SLIT1: variants seen among roughly 807,000 people sequenced by gnomAD.
SLIT1 encodes slit guidance ligand 1.
In SLIT1, 66 loss-of-function variants were observed where a neutral mutation model predicts 186.1. The ratio of observed to expected loss-of-function variants is 0.35; its 90% CI spans 0.29 to 0.44. The LOEUF (loss-of-function observed/expected upper bound fraction) is 0.44. Ranked by LOEUF, SLIT1 falls within the 20% of genes least tolerant of loss-of-function variation. The probability of loss-of-function intolerance (pLI) is 1.00; values close to 1 mark genes in which losing one functional copy is unlikely to be tolerated. For synonymous variants in SLIT1, 761 were observed against 833.8 expected (o/e 0.91, Z 1.50); for missense variants, 1,638 against 2,037.4 (o/e 0.80, Z 3.77).
chr10:97,106,995 A>T (rs1362416105), intron 4 of SLIT1, among the ~76,000 whole-genome samples: 3 of 152,378 alleles, frequency 2.0e-5, no homozygotes, highest in South Asian at 4.1e-4. Flanking sequence ...TGGGTAATCC[A>T]TTCAGAGCTG....
At chr10:97,157,525 G>A (rs982056757) in intron 4 of SLIT1, 51 of 394,822 alleles carry the variant, frequency 1.3e-4, no homozygotes, top group Admixed American at 6.3e-4. Flanking sequence ...TGGCATCACC[G>A]TCCACAAGCA....
rs116713666 is a variant in SLIT1 at position 97,001,251 on chromosome 10, C to T, written c.4466G>A (p.Arg1489Gln). 7.1e-5 allele frequency: 114 copies of T among 1,613,188 alleles called. No homozygotes were observed. In the Middle Eastern group the frequency reaches 8.3e-4, roughly 12 times the overall value. Residue 1489 changes from arginine to glutamine, a missense_variant, in exon 37 of 37, where the codon CGG becomes CAG. Coordinates refer to ENST00000266058, the MANE Select transcript of SLIT1 (RefSeq NM_003061.3). ...GCAGCCCTGGCCTGGGCACGAGCCC[C>T]GGCACTCCACCCATGACAGGGGGCG... Reference protein sequence around the residue: ...TTRPLSWVECRGSCPGQGCCQ... With the variant: ...TTRPLSWVECQGSCPGQGCCQ...
At position 97,021,078 on chromosome 10, in the gene SLIT1, C is replaced by A. The variant is rs555909658; in HGVS notation, c.2746+172G>T. ...GATTTTTCTGCCTGGCTCTTTTTGTCCATGATATGTCAGGATTGGAAGGCA... is the reference window on the plus strand; with the variant it reads ...GATTTTTCTGCCTGGCTCTTTTTGTACATGATATGTCAGGATTGGAAGGCA... On this transcript the variant is annotated intron_variant, in intron 26 of 36. Transcript: ENST00000266058. This position sits in a 1 kb window ranked among gnomAD's most constrained non-coding sequence, Gnocchi z 4.5. 6.6e-5 allele frequency among the ~76,000 whole-genome samples: 10 copies of A among 152,344 alleles called. No homozygotes were observed. In the South Asian group the frequency reaches 1.7e-3, roughly 25 times the overall value.
At chr10:97,034,331 G>T in intron 23 of SLIT1, 140 bp downstream of exon 23, 5 of 699,892 alleles carry the variant, frequency 7.1e-6, no homozygotes, top group Non-Finnish European at 1.3e-5. Context: ...AGTCTTTTAG[G>T]CTCTCAGGCC....
intron 27 of SLIT1, 108 bp downstream of exon 27, chr10:97,018,875 G>C: frequency 2.9e-6 from 2 of 681,846 alleles, no homozygotes; most frequent in Non-Finnish European, 5.2e-6. Context: ...ATTAATTACA[G>C]GTTCACTCAA....
At chr10:97,126,497 C>T (rs1479287006) in intron 4 of SLIT1, among the ~76,000 whole-genome samples, 1 of 152,214 alleles carries the variant, frequency 6.6e-6, no homozygotes, top group Non-Finnish European at 1.5e-5. Flanking sequence ...CACCACCTTG[C>T]TTCCCAGGAA....
At chr10:97,044,513 T>C (rs930147142) in intron 18 of SLIT1, among the ~76,000 whole-genome samples, 2 of 152,188 alleles carry the variant, frequency 1.3e-5, no homozygotes, top group Non-Finnish European at 1.5e-5. Flanking sequence ...GAAATTAAAA[T>C]GGTTTATCAA....
At chr10:97,091,203 T>A (rs1049860039) in intron 4 of SLIT1, among the ~76,000 whole-genome samples, 2 of 152,250 alleles carry the variant, frequency 1.3e-5, no homozygotes, top group Non-Finnish European at 2.9e-5. Flanking sequence ...TGCAGCTGCA[T>A]CTGAAAACCA....
rs1308576583 is a variant in SLIT1, at chr10:97,157,879, G to C, written c.352C>G (p.Arg118Gly). 2 of 1,613,458 alleles carry C rather than the reference G, an allele frequency of 1.2e-6. No individual in the cohort carries two copies. The highest frequency in any genetic ancestry group is 8.5e-7 in the Non-Finnish European group (1 of 1,179,362). ...MKELERLRLNRNQLHMLPELL... is the reference protein window; with the variant it reads ...MKELERLRLNGNQLHMLPELL... ...TCCGGTAACATGTGCAGCTGGTTTC[G>C]GTTCAGTCGCCTATAAAAGAGAAGA... Residue 118 changes from arginine to glycine, a missense_variant, in exon 4 of 37, where the codon CGA (arginine) becomes GGA (glycine). Transcript: ENST00000266058.
At chr10:97,161,896 G>A (rs1204305799) in intron 3 of SLIT1, among the ~76,000 whole-genome samples, 1 of 152,184 alleles carries the variant, frequency 6.6e-6, no homozygotes, top group Non-Finnish European at 1.5e-5. Context: ...CTTAATCTCT[G>A]TGTACCTCTC....
chr10:97,035,301 C>T (rs529040659), intron 22 of SLIT1, among the ~76,000 whole-genome samples: 76 of 152,252 alleles, frequency 5.0e-4, no homozygotes, highest in African/African-American at 1.5e-3. Flanking sequence ...CCCTCGGGGA[C>T]GCCCCTGTGC....
intron 4 of SLIT1, among the ~76,000 whole-genome samples, chr10:97,130,836 T>TG (rs1172999075): frequency 6.6e-6 from 1 of 152,148 alleles, no homozygotes; most frequent in African/African-American, 2.4e-5. Flanking sequence ...TTGTTTTTGA[T>TG]GGGGGAGGGG....
chr10:97,066,671 T>G (rs894367337), intron 4 of SLIT1, among the ~76,000 whole-genome samples: 1 of 152,210 alleles, frequency 6.6e-6, no homozygotes, highest in African/African-American at 2.4e-5. Flanking sequence ...AAAAGCTCCC[T>G]GAGGCCTCCC....
chr10:97,107,521 T>C (rs959974643), intron 4 of SLIT1, among the ~76,000 whole-genome samples: 1 of 152,184 alleles, frequency 6.6e-6, no homozygotes, highest in Non-Finnish European at 1.5e-5. Context: ...GCCCTTTTGG[T>C]CATGGACCAA....
intron 3 of SLIT1, among the ~76,000 whole-genome samples, chr10:97,162,066 CAAAG>C (rs1248383561): frequency 6.6e-6 from 1 of 152,158 alleles, no homozygotes; most frequent in African/African-American, 2.4e-5. Flanking sequence ...GAGAAAAACA[CAAAG>C]AATAAAAATA....
In SLIT1 at chr10:97,018,672, A is replaced by G. The variant is rs1240726400; in HGVS notation, c.2883T>C (p.Cys961=). The G allele has an allele frequency of 3.8e-6, 6 of 1,583,130 alleles. No individual in the cohort carries two copies. Among genetic ancestry groups the G allele is most frequent in the Non-Finnish European group, 3.4e-6 (4 of 1,164,454 alleles). Residue 961 remains cysteine, a synonymous_variant, in exon 28 of 37, where the codon TGT becomes TGC. Coordinates refer to ENST00000266058, the MANE Select transcript of SLIT1 (RefSeq NM_003061.3). ...TGGAACAGCTGTCCAGGGACACCTC[A>G]CAGTCTCGACCCTGGGGGGAAAGTC... The part of the protein sequence containing the change: ...ACPSGYKGRD[C]EVSLDSCSSG...
chr10:97,157,556 T>C, intron 4 of SLIT1: 1 of 512,244 alleles, frequency 2.0e-6, no homozygotes, highest in East Asian at 3.1e-5. Context: ...CAGAACACCC[T>C]TGTACCCACA....
intron 4 of SLIT1, among the ~76,000 whole-genome samples, chr10:97,114,586 G>T (rs1207309788): frequency 6.6e-6 from 1 of 152,128 alleles, no homozygotes; most frequent in African/African-American, 2.4e-5. Context: ...TTGAGCCCAA[G>T]AGGTTGAGGC....
Position 97,068,512 on chromosome 10 carries a change from C to A in SLIT1, c.414-2426G>T, listed in dbSNP as rs1364647686. Among the ~76,000 whole-genome samples the A allele has an allele frequency of 2.0e-5, 3 of 152,092 alleles. No homozygotes were observed. On this transcript the variant is annotated intron_variant, in intron 4 of 36. Transcript: ENST00000266058. The surrounding 1 kb of genome is among the most constrained non-coding windows in gnomAD (Gnocchi z 4.2). Reference sequence around the variant, plus strand: ...TGAAGGGGCCTTGGCACCATCAGTGCCCCTCGTTCTTGCTCTCTATTGCTC... The same window carrying A: ...TGAAGGGGCCTTGGCACCATCAGTGACCCTCGTTCTTGCTCTCTATTGCTC...
Sources: allele counts gnomAD v4.1 joint callset (sites outside exome capture counted in the v4.1 genomes callset), GRCh38; gene constraint gnomAD v4.1.1; non-coding constraint Gnocchi (gnomAD v3.1); transcripts MANE v1.5; gene names NCBI Gene and HGNC (gene_info 2026-07-23, HGNC 2026-07-21).